ZBTB16: variants seen among roughly 807,000 people sequenced by gnomAD.
ZBTB16 encodes zinc finger and BTB domain-containing protein 16.
In ZBTB16, 8 loss-of-function variants were observed where a neutral mutation model predicts 56.8. The ratio of observed to expected loss-of-function variants is 0.14; its 90% CI spans 0.08 to 0.25. The LOEUF is 0.25. ZBTB16 is among the 10% of genes least tolerant of loss of function. ZBTB16 has a pLI of 1.00. For synonymous variants in ZBTB16, 363 were observed against 368.5 expected, an observed-to-expected ratio of 0.98 and a Z score of 0.17; for missense variants, 625 against 903.0, an observed-to-expected ratio of 0.69 and a Z score of 3.95.
chr11:114,145,931 A>G (rs1942086179), intron 2 of ZBTB16, among the ~76,000 whole-genome samples: 1 of 152,244 alleles, frequency 6.6e-6, no homozygotes, highest in African/African-American at 2.4e-5. Flanking sequence ...GAGATAAAGA[A>G]TACTAATAAA....
intron 4 of ZBTB16, among the ~76,000 whole-genome samples, chr11:114,211,972 C>T (rs371087395): frequency 2.0e-5 from 3 of 152,144 alleles, no homozygotes; most frequent in Non-Finnish European, 2.9e-5. Flanking sequence ...CAGGGGGACT[C>T]GCCCTCCTGG....
At chr11:114,137,397 G>A (rs1941827964) in intron 2 of ZBTB16, among the ~76,000 whole-genome samples, 1 of 152,212 alleles carries the variant, frequency 6.6e-6, no homozygotes, top group Non-Finnish European at 1.5e-5. Flanking sequence ...AGAAATGGAA[G>A]TGGAAAGAGA....
intron 2 of ZBTB16, among the ~76,000 whole-genome samples, chr11:114,124,921 C>T (rs1941463814): frequency 6.6e-6 from 1 of 152,124 alleles, no homozygotes. Flanking sequence ...GAAGCTTGCA[C>T]TGTGTTTGGG....
At chr11:114,150,151 A>G (rs1942247154) in intron 2 of ZBTB16, among the ~76,000 whole-genome samples, 1 of 152,192 alleles carries the variant, frequency 6.6e-6, no homozygotes, top group African/African-American at 2.4e-5. Context: ...TTAGCCTGGA[A>G]TGTGGTACTT....
intron 4 of ZBTB16, chr11:114,209,781 G>T (rs1193967042): frequency 4.1e-6 from 4 of 985,324 alleles, no homozygotes; most frequent in Middle Eastern, 5.2e-4. Flanking sequence ...ACAGCCCAGG[G>T]ATAAGCTTTA....
At chr11:114,155,637 T>A (rs994163305) in intron 2 of ZBTB16, among the ~76,000 whole-genome samples, 5 of 152,310 alleles carry the variant, frequency 3.3e-5, no homozygotes, top group African/African-American at 9.6e-5. Context: ...ATGACCACCC[T>A]ACATTTATAG....
At chr11:114,101,988 A>G (rs1471217412) in intron 2 of ZBTB16, among the ~76,000 whole-genome samples, 1 of 152,120 alleles carries the variant, frequency 6.6e-6, no homozygotes, top group South Asian at 2.1e-4. Flanking sequence ...TAGGGAATAG[A>G]TGTCTCTGGG....
chr11:114,079,079 C>T (rs1055394159), intron 2 of ZBTB16, among the ~76,000 whole-genome samples: 1 of 148,638 alleles, frequency 6.7e-6, no homozygotes, highest in African/African-American at 2.5e-5. Flanking sequence ...CGTTGCACTC[C>T]AGCCCAAGAC....
At chr11:114,080,648 T>C (rs1413099680) in intron 2 of ZBTB16, among the ~76,000 whole-genome samples, 1 of 152,230 alleles carries the variant, frequency 6.6e-6, no homozygotes, top group African/African-American at 2.4e-5. Flanking sequence ...AGCATACATA[T>C]GTGGGAAAAA....
chr11:114,242,397 C>T, intron 5 of ZBTB16, 60 bp downstream of exon 5: 8 of 1,594,584 alleles, frequency 5.0e-6, no homozygotes, highest in Non-Finnish European at 6.8e-6. Context: ...CTATATTTAC[C>T]TCCAAGGACG....
chr11:114,235,641 T>C (rs144606376), intron 4 of ZBTB16, among the ~76,000 whole-genome samples: 607 of 21,440 alleles, frequency 0.028, 3 homozygotes, highest in South Asian at 0.096. Context: ...TTTCTTTCTT[T>C]CTTTCTTTCT....
At chr11:114,205,201 A>G (rs1725875120) in intron 4 of ZBTB16, among the ~76,000 whole-genome samples, 1 of 152,140 alleles carries the variant, frequency 6.6e-6, no homozygotes, top group South Asian at 2.1e-4. Context: ...CGAGGTCAGG[A>G]GATCGAGACC....
intron 6 of ZBTB16, among the ~76,000 whole-genome samples, chr11:114,249,785 AAAAAG>A (rs1944885822): frequency 6.7e-6 from 1 of 148,282 alleles, no homozygotes; most frequent in Admixed American, 6.8e-5. Context: ...AAAAAAAAAA[AAAAAG>A]AGAGCTTTAG....
intron 4 of ZBTB16, among the ~76,000 whole-genome samples, chr11:114,219,532 G>T (rs1210569717): frequency 3.3e-5 from 5 of 151,978 alleles, no homozygotes; most frequent in African/African-American, 1.2e-4. Context: ...TAGGGTTTCT[G>T]TGTTGAGGTC....
chr11:114,064,353 C>T lies in ZBTB16; in HGVS notation c.1053C>T (p.Ser351=), dbSNP rs760591440. The T allele has an allele frequency of 1.1e-5, 18 of 1,613,930 alleles. No individual in the cohort carries two copies. The highest frequency in any genetic ancestry group is 1.6e-4 in the Middle Eastern group (1 of 6,084). ...KADAVLSMPS[S]VTSGLHVQPA... ...ACGCTGTATTGAGCATGCCGTCTTC[C>T]GTGACCTCTGGCCTCCACGTGCAGC... Residue 351 remains serine (S), a synonymous_variant, in exon 2 of 7, where the codon TCC becomes TCT. Transcript: ENST00000335953. This position sits in a 1 kb window ranked among gnomAD's most constrained non-coding sequence, Gnocchi z 4.2.
At chr11:114,093,502 T>TAAAC (rs1940271316) in intron 2 of ZBTB16, among the ~76,000 whole-genome samples, 2 of 152,050 alleles carry the variant, frequency 1.3e-5, no homozygotes, top group African/African-American at 4.8e-5. Context: ...AGGCGGTGAA[T>TAAAC]AAACACCAAG....
At chr11:114,158,580 A>G (rs1348452739) in intron 3 of ZBTB16, among the ~76,000 whole-genome samples, 3 of 152,108 alleles carry the variant, frequency 2.0e-5, no homozygotes, top group Non-Finnish European at 4.4e-5. Context: ...ACAGTTATTT[A>G]TGGACTTATC....
At chr11:114,248,643 C>T (rs550197573) in intron 6 of ZBTB16, among the ~76,000 whole-genome samples, 55 of 152,120 alleles carry the variant, frequency 3.6e-4, no homozygotes, top group Non-Finnish European at 6.3e-4. Context: ...GAGGAGAGTA[C>T]GTTGCCCTTG....
chr11:114,141,956 A>C (rs1941958827), intron 2 of ZBTB16, among the ~76,000 whole-genome samples: 1 of 152,182 alleles, frequency 6.6e-6, no homozygotes, highest in African/African-American at 2.4e-5. Context: ...CACCAATATC[A>C]TCTAAACGTT....
Sources: allele counts gnomAD v4.1 joint callset (sites outside exome capture counted in the v4.1 genomes callset), GRCh38; gene constraint gnomAD v4.1.1; non-coding constraint Gnocchi (gnomAD v3.1); transcripts MANE v1.5; gene names NCBI Gene and HGNC (gene_info 2026-07-23, HGNC 2026-07-21).